The following WIPF2 variants were observed in gnomAD, a reference collection of about 807,000 sequenced individuals.
WIPF2 encodes the protein WAS/WASL-interacting protein family member 2.
In WIPF2, 23 loss-of-function variants were observed where a neutral mutation model predicts 38.8. The ratio of observed to expected loss-of-function variants is 0.59; its 90% CI spans 0.43 to 0.84. WIPF2 has a LOEUF of 0.84. Among genes scored for constraint, WIPF2 ranks in the 40% least tolerant of loss-of-function variants. The pLI is 0.00. For synonymous variants in WIPF2, 210 were observed against 223.2 expected (o/e 0.94, Z 0.53); for missense variants, 574 against 580.5 (o/e 0.99, Z 0.11).
Position 40,264,720 on chromosome 17 carries a change from C to A in WIPF2, c.544C>A (p.Pro182Thr), listed in dbSNP as rs752639716. 4.5e-5 allele frequency: 72 copies of A among 1,611,496 alleles called. No individual in the cohort carries two copies. The highest frequency in any genetic ancestry group is 1.3e-5 in the Non-Finnish European group (15 of 1,178,848). The change falls in exon 5 of 8, where the codon CCA becomes ACA. Residue 182 changes from proline to threonine, a missense_variant. Transcript: ENST00000323571. Reference protein sequence around the residue: ...HSSSAPPPPPPGRRANAPPTP... With the variant: ...HSSSAPPPPPTGRRANAPPTP... ...CTCCTCTGCCCCTCCCCCACCACCCCCAGGGCGGCGTGCCAACGCACCCCC... is the reference window on the plus strand; with the variant it reads ...CTCCTCTGCCCCTCCCCCACCACCCACAGGGCGGCGTGCCAACGCACCCCC...
At chr17:40,247,925 GTT>G (rs1490743057) in intron 1 of WIPF2, among the ~76,000 whole-genome samples, 1 of 152,140 alleles carries the variant, frequency 6.6e-6, no homozygotes, top group Non-Finnish European at 1.5e-5. Flanking sequence ...TTAGAATCCA[GTT>G]TTAACAAAAC....
intron 1 of WIPF2, among the ~76,000 whole-genome samples, chr17:40,229,710 C>T (rs1598466925): frequency 6.6e-6 from 1 of 152,324 alleles, no homozygotes; most frequent in East Asian, 1.9e-4. Context: ...GTGTGAGCCA[C>T]CGTGCCTGGC....
intron 5 of WIPF2, among the ~76,000 whole-genome samples, chr17:40,265,886 G>T (rs1357140217): frequency 6.6e-6 from 1 of 152,160 alleles, no homozygotes; most frequent in Non-Finnish European, 1.5e-5. Flanking sequence ...ACCAGTTACT[G>T]GGCTGTTGCA....
intron 3 of WIPF2, among the ~76,000 whole-genome samples, chr17:40,261,810 C>T (rs905381229): frequency 6.6e-6 from 1 of 151,320 alleles, no homozygotes; most frequent in Non-Finnish European, 1.5e-5. Flanking sequence ...CCTCAGCCTC[C>T]CGAGTAGCTG....
At position 40,264,729 on chromosome 17, in the gene WIPF2, C is replaced by T. The variant is rs1369888035; in HGVS notation, c.553C>T (p.Arg185Cys). 19 of 1,599,768 alleles carry T rather than the reference C, an allele frequency of 1.2e-5. No homozygotes were observed. Among genetic ancestry groups the T allele is most frequent in the Non-Finnish European group, 1.5e-5 (17 of 1,172,168 alleles). ...SAPPPPPPGR[R>C]ANAPPTPLPM... ...CCCTCCCCCACCACCCCCAGGGCGG[C>T]GTGCCAACGCACCCCCCACACCTCT... The change falls in exon 5 of 8, where the codon CGT becomes TGT. Residue 185 changes from arginine to cysteine, a missense_variant. Transcript: ENST00000323571.
intron 1 of WIPF2, among the ~76,000 whole-genome samples, chr17:40,223,133 G>T (rs1213938933): frequency 5.3e-5 from 8 of 151,856 alleles, no homozygotes; most frequent in African/African-American, 7.3e-5. Flanking sequence ...TGTAGTGTTT[G>T]TTTTTTTATT....
chr17:40,275,716 C>T (rs2032377046), intron 6 of WIPF2, among the ~76,000 whole-genome samples: 1 of 152,122 alleles, frequency 6.6e-6, no homozygotes, highest in Non-Finnish European at 1.5e-5. Context: ...CAGGTGTGCA[C>T]CACCATGCCT....
chr17:40,255,520 T>C lies in WIPF2; in HGVS notation c.-69-871T>C, dbSNP rs183903129. Among the ~76,000 whole-genome samples, 154 of 151,592 alleles carry C rather than the reference T, an allele frequency of 1.0e-3. 2 individuals carry two copies. Among genetic ancestry groups the C allele is most frequent in the African/African-American group, 3.6e-3 (147 of 41,316 alleles). On this transcript the variant is annotated intron_variant, in intron 1 of 7. Coordinates refer to ENST00000323571, the MANE Select transcript of WIPF2 (RefSeq NM_133264.5). Reference sequence around the variant, plus strand: ...TTGTGTTTTTAGTAGAGACAGGGTTTCTCCATGTTGGTCAGGCTGGCCTTG... The same window carrying C: ...TTGTGTTTTTAGTAGAGACAGGGTTCCTCCATGTTGGTCAGGCTGGCCTTG...
chr17:40,259,470 A>G (rs1232355234), intron 2 of WIPF2, among the ~76,000 whole-genome samples: 2 of 151,966 alleles, frequency 1.3e-5, no homozygotes, highest in Non-Finnish European at 2.9e-5. Context: ...AAAAAAAGCA[A>G]TCAGAGGGTG....
At chr17:40,230,743 A>T (rs2030705020) in intron 1 of WIPF2, among the ~76,000 whole-genome samples, 1 of 152,120 alleles carries the variant, frequency 6.6e-6, no homozygotes, top group African/African-American at 2.4e-5. Flanking sequence ...GGAGTGTTTA[A>T]AAAAAGAAAA....
intron 4 of WIPF2, among the ~76,000 whole-genome samples, chr17:40,263,124 G>A (rs554961044): frequency 1.8e-4 from 28 of 152,188 alleles, no homozygotes; most frequent in Non-Finnish European, 2.2e-4. Context: ...AGACAGGAGG[G>A]GTAAGTTTTA....
chr17:40,230,653 GGAT>G (rs1336595239), intron 1 of WIPF2, among the ~76,000 whole-genome samples: 1 of 152,010 alleles, frequency 6.6e-6, no homozygotes, highest in Non-Finnish European at 1.5e-5. Context: ...AGATTATGGG[GGAT>G]GATGGGATTG....
At chr17:40,224,200 C>CAG (rs1267819455) in intron 1 of WIPF2, among the ~76,000 whole-genome samples, 1 of 149,174 alleles carries the variant, frequency 6.7e-6, no homozygotes, top group African/African-American at 2.5e-5. Flanking sequence ...ACTTTTGGTA[C>CAG]AGCCTGCTTA....
rs372029048 is a variant in WIPF2 at position 40,259,058 on chromosome 17, T to C, written c.64-1477T>C. 8.0e-5 allele frequency among the ~76,000 whole-genome samples: 12 copies of C among 149,512 alleles called. 1 individual carries two copies. In the East Asian group the frequency reaches 2.1e-3, roughly 27 times the overall value. On this transcript the variant is annotated intron_variant, in intron 2 of 7. Coordinates refer to ENST00000323571, the MANE Select transcript of WIPF2 (RefSeq NM_133264.5). ...AAAAAAAAAGATAAGTTTTTTTTTT[T>C]TGTAAAGGCAGAGTCTCACTTTGTT...
At chr17:40,220,199 A>T (rs111409106) in intron 1 of WIPF2, among the ~76,000 whole-genome samples, 1 of 150,484 alleles carries the variant, frequency 6.6e-6, no homozygotes, top group African/African-American at 2.4e-5. Context: ...CTAGTCTTGA[A>T]CTCCTGGGCT....
intron 1 of WIPF2, chr17:40,220,571 G>GTGTGTGTGTA (rs1270808243): frequency 1.2e-5 from 1 of 85,650 alleles, no homozygotes; most frequent in African/African-American, 5.0e-5. Flanking sequence ...ACGTGTGTGT[G>GTGTGTGTGTA]TGTATATATA....
In WIPF2 at chr17:40,272,182, G is replaced by C. The variant is rs963989351; in HGVS notation, c.971-1608G>C. ...TTACAGGCATGCACCACCACATCTGGCTAATTTTTGTATTTTAATAGAGAC... is the reference window on the plus strand; with the variant it reads ...TTACAGGCATGCACCACCACATCTGCCTAATTTTTGTATTTTAATAGAGAC... On this transcript the variant is annotated intron_variant, in intron 5 of 7. Coordinates refer to ENST00000323571, the MANE Select transcript of WIPF2 (RefSeq NM_133264.5). Among the ~76,000 whole-genome samples, 3 of 151,978 alleles carry C rather than the reference G, an allele frequency of 2.0e-5. No individual in the cohort carries two copies. In the East Asian group the frequency reaches 5.8e-4, roughly 29 times the overall value.
chr17:40,249,676 C>A (rs2031488716), intron 1 of WIPF2, among the ~76,000 whole-genome samples: 1 of 151,942 alleles, frequency 6.6e-6, no homozygotes, highest in South Asian at 2.1e-4. Context: ...TGGTCTTGAA[C>A]TCCTGACCTC....
At chr17:40,270,912 A>G (rs1011914638) in intron 5 of WIPF2, among the ~76,000 whole-genome samples, 4 of 129,768 alleles carry the variant, frequency 3.1e-5, no homozygotes, top group Non-Finnish European at 5.1e-5. Flanking sequence ...ATGTTATTCT[A>G]TTACTGTGTT....
Sources: gnomAD v4.1 joint callset for allele counts (sites outside exome capture counted in the v4.1 genomes callset) on GRCh38, gnomAD v4.1.1 for gene constraint, MANE v1.5 for transcripts, NCBI Gene and HGNC (gene_info 2026-07-23, HGNC 2026-07-21) for gene names.